The following MEIKIN variants were observed in gnomAD, a reference collection of about 807,000 sequenced individuals.
MEIKIN encodes meiosis-specific kinetochore protein.
At chr5:131,911,562 T>C (rs1486605383) in intron 8 of MEIKIN, among the ~76,000 whole-genome samples, 1 of 151,674 alleles carries the variant, frequency 6.6e-6, no homozygotes, top group Non-Finnish European at 1.5e-5. Flanking sequence ...TATAACAATA[T>C]CTAGTATGGA....
chr5:131,830,576 T>C (rs28759260), intron 11 of MEIKIN, among the ~76,000 whole-genome samples: 14,262 of 152,280 alleles, frequency 0.094, 1,534 homozygotes, highest in African/African-American at 0.26. Flanking sequence ...CTTTTGGTTA[T>C]AAACTTTGTC....
intron 8 of MEIKIN, among the ~76,000 whole-genome samples, chr5:131,898,163 T>C (rs1751086100): frequency 6.6e-6 from 1 of 152,226 alleles, no homozygotes; most frequent in African/African-American, 2.4e-5. Flanking sequence ...GTCAGGTCCC[T>C]CAGCTGCAGG....
intron 8 of MEIKIN, among the ~76,000 whole-genome samples, chr5:131,909,895 G>A (rs1041750809): frequency 1.3e-5 from 2 of 152,096 alleles, no homozygotes; most frequent in African/African-American, 4.8e-5. Context: ...AGTTAAAATG[G>A]CGTTTATCCA....
At chr5:131,889,355 C>T (rs535560685) in intron 8 of MEIKIN, among the ~76,000 whole-genome samples, 2 of 152,232 alleles carry the variant, frequency 1.3e-5, no homozygotes, top group East Asian at 3.9e-4. Context: ...ATGGAATGTT[C>T]TTCCATTTGT....
intron 11 of MEIKIN, among the ~76,000 whole-genome samples, chr5:131,831,462 T>A (rs1303512434): frequency 6.6e-6 from 1 of 151,958 alleles, no homozygotes; most frequent in East Asian, 1.9e-4. Context: ...GAGGCTGAAG[T>A]GGGGAGATTG....
intron 9 of MEIKIN, among the ~76,000 whole-genome samples, chr5:131,872,666 C>T (rs1246218699): frequency 2.0e-5 from 3 of 152,148 alleles, no homozygotes; most frequent in African/African-American, 2.4e-5. Flanking sequence ...AGATACTCCT[C>T]GAGAAGAGCA....
chr5:131,892,046 C>A lies in MEIKIN; in HGVS notation c.704-12998G>T, dbSNP rs188464166. Among the ~76,000 whole-genome samples the A allele has an allele frequency of 5.1e-4, 78 of 152,184 alleles. 2 individuals carry two copies. In the East Asian group the frequency reaches 0.014, roughly 26 times the overall value. ...TTTAAGAATGTTGAATATTGGCCCCCACTCTCTTCTGGCTTGTAGAGTTTC... is the reference window on the plus strand; with the variant it reads ...TTTAAGAATGTTGAATATTGGCCCCAACTCTCTTCTGGCTTGTAGAGTTTC... On this transcript the variant is annotated intron_variant, in intron 8 of 12. Coordinates refer to ENST00000442687, the MANE Select transcript of MEIKIN (RefSeq NM_001303622.2).
At chr5:131,902,189 T>A (rs987130850) in intron 8 of MEIKIN, among the ~76,000 whole-genome samples, 2 of 152,130 alleles carry the variant, frequency 1.3e-5, no homozygotes, top group Non-Finnish European at 2.9e-5. Flanking sequence ...TCCCAGAACT[T>A]TGGGAGGCCA....
At chr5:131,848,943 G>C (rs1750064085) in intron 11 of MEIKIN, among the ~76,000 whole-genome samples, 1 of 152,172 alleles carries the variant, frequency 6.6e-6, no homozygotes, top group African/African-American at 2.4e-5. Context: ...ACCACATATA[G>C]TAGAATGAAA....
chr5:131,901,551 T>C (rs1281506620), intron 8 of MEIKIN, among the ~76,000 whole-genome samples: 1 of 152,226 alleles, frequency 6.6e-6, no homozygotes, highest in Non-Finnish European at 1.5e-5. Context: ...CAAATCCCAC[T>C]GCCACTGCCC....
At chr5:131,874,750 A>C (rs943350626) in intron 9 of MEIKIN, among the ~76,000 whole-genome samples, 2 of 152,218 alleles carry the variant, frequency 1.3e-5, no homozygotes, top group African/African-American at 4.8e-5. Context: ...TCCTCAATAA[A>C]ATACTGGCAA....
intron 3 of MEIKIN, among the ~76,000 whole-genome samples, chr5:131,943,925 C>T (rs759060347): frequency 6.6e-6 from 1 of 152,028 alleles, no homozygotes; most frequent in Non-Finnish European, 1.5e-5. Flanking sequence ...CGAGACCAGC[C>T]TGGCCAACCT....
intron 9 of MEIKIN, among the ~76,000 whole-genome samples, chr5:131,873,386 T>C (rs1750543991): frequency 6.6e-6 from 1 of 151,904 alleles, no homozygotes; most frequent in Non-Finnish European, 1.5e-5. Context: ...CCAACAAAGA[T>C]CAAAAGAGAC....
intron 11 of MEIKIN, among the ~76,000 whole-genome samples, chr5:131,849,660 G>A (rs1401574613): frequency 6.8e-6 from 1 of 148,092 alleles, no homozygotes; most frequent in Non-Finnish European, 1.5e-5. Flanking sequence ...CCAGTCTCAG[G>A]TATTTCTTTA....
chr5:131,807,793 T>C (rs1406040014), intron 12 of MEIKIN, among the ~76,000 whole-genome samples: 1 of 152,230 alleles, frequency 6.6e-6, no homozygotes, highest in Non-Finnish European at 1.5e-5. Context: ...TAGTTAACAC[T>C]GCCACTTTCA....
chr5:131,845,614 A>AG (rs1337411429), intron 11 of MEIKIN, among the ~76,000 whole-genome samples: 2 of 151,376 alleles, frequency 1.3e-5, no homozygotes, highest in African/African-American at 4.8e-5. Flanking sequence ...AAAAGAAGCA[A>AG]AAAAAAAATC....
intron 2 of MEIKIN, 99 bp downstream of exon 2, chr5:131,945,057 C>T (rs539261585): frequency 6.0e-5 from 24 of 398,756 alleles, no homozygotes; most frequent in African/African-American, 4.5e-4. Context: ...ATTTGTTTTG[C>T]TCCTTGACTG....
intron 8 of MEIKIN, among the ~76,000 whole-genome samples, chr5:131,887,299 A>G (rs1222830209): frequency 6.6e-6 from 1 of 152,112 alleles, no homozygotes; most frequent in East Asian, 1.9e-4. Context: ...CATATTGTTT[A>G]TATGTGTGCA....
intron 11 of MEIKIN, among the ~76,000 whole-genome samples, chr5:131,832,835 C>T (rs1037111460): frequency 3.3e-5 from 5 of 152,198 alleles, no homozygotes; most frequent in African/African-American, 7.2e-5. Flanking sequence ...GCTAGAGTGG[C>T]GAGGATGCAG....
Sources: allele counts gnomAD v4.1 joint callset (sites outside exome capture counted in the v4.1 genomes callset), GRCh38; gene constraint gnomAD v4.1.1; transcripts MANE v1.5; gene names NCBI Gene and HGNC (gene_info 2026-07-23, HGNC 2026-07-21).